Variants in ZC3H12B observed in about 807,000 individuals in gnomAD.
ZC3H12B encodes the protein probable ribonuclease ZC3H12B.
A neutral mutation model predicts 43.9 loss-of-function variants in ZC3H12B; 7 were observed. That is an observed-to-expected ratio of 0.16 (90% confidence interval 0.09 to 0.30). ZC3H12B has a LOEUF of 0.30. Among genes scored for constraint, ZC3H12B ranks in the 10% least tolerant of loss-of-function variants. The pLI is 1.00. For missense variants in ZC3H12B, 475 were observed against 670.2 expected, an observed-to-expected ratio of 0.71 and a Z score of 3.22; for synonymous variants, 222 against 241.7, an observed-to-expected ratio of 0.92 and a Z score of 0.76.
chrX:65,374,706 G>A (rs2066320572), intron 2 of ZC3H12B, among the ~76,000 whole-genome samples: 2 of 111,234 alleles, frequency 1.8e-5, no homozygotes, highest in Non-Finnish European at 3.8e-5. Flanking sequence ...AGAAAGGAAA[G>A]AAGTTTAATT....
intron 3 of ZC3H12B, among the ~76,000 whole-genome samples, chrX:65,472,213 A>T (rs901463482): frequency 9.0e-6 from 1 of 111,539 alleles, no homozygotes; most frequent in Non-Finnish European, 1.9e-5. Context: ...TAGGTCCTTT[A>T]TTCATTTTTA....
At chrX:65,245,254 G>A in the ZC3H12B span, among the ~76,000 whole-genome samples, 1 of 111,322 alleles carries the variant, frequency 9.0e-6, no homozygotes, top group Non-Finnish European at 1.9e-5. Context: ...GTAAAAAATA[G>A]CCTACCAACC....
chrX:65,325,166 T>A, the ZC3H12B span, among the ~76,000 whole-genome samples: 1 of 111,130 alleles, frequency 9.0e-6, no homozygotes, highest in Non-Finnish European at 1.9e-5. Flanking sequence ...TGACTTTCAC[T>A]CTACATGCAT....
intron 3 of ZC3H12B, among the ~76,000 whole-genome samples, chrX:65,428,848 AT>A (rs1267971266): frequency 8.9e-6 from 1 of 112,392 alleles, no homozygotes; most frequent in Admixed American, 9.4e-5. Context: ...AGTTTTTGGC[AT>A]TTTTGCATTA....
intron 2 of ZC3H12B, among the ~76,000 whole-genome samples, chrX:65,389,418 C>A (rs747372294): frequency 8.9e-6 from 1 of 112,417 alleles, no homozygotes; most frequent in African/African-American, 3.2e-5. Flanking sequence ...GCTCCATGGG[C>A]GTAGGACTCT....
At chrX:65,349,173 A>C in the ZC3H12B span, among the ~76,000 whole-genome samples, 1 of 112,099 alleles carries the variant, frequency 8.9e-6, no homozygotes, top group Non-Finnish European at 1.9e-5. Flanking sequence ...AGTCTCTCAG[A>C]CCACAGTGCA....
chrX:65,269,052 T>A, the ZC3H12B span, among the ~76,000 whole-genome samples: 80 of 111,129 alleles, frequency 7.2e-4, no homozygotes, highest in Non-Finnish European at 1.1e-3. Flanking sequence ...CATAGAAAAA[T>A]CAATATTATC....
the ZC3H12B span, among the ~76,000 whole-genome samples, chrX:65,253,633 C>A: frequency 9.5e-6 from 1 of 104,874 alleles, no homozygotes; most frequent in African/African-American, 4.2e-5. Flanking sequence ...CTGATAGCCC[C>A]CCTGTCTGCT....
At chrX:65,323,086 C>A in the ZC3H12B span, among the ~76,000 whole-genome samples, 7 of 111,615 alleles carry the variant, frequency 6.3e-5, no homozygotes, top group Non-Finnish European at 1.1e-4. Flanking sequence ...ATTATGTTGT[C>A]AACAAACAGC....
Position 65,382,870 on chromosome X carries a change from A to T in ZC3H12B, n.295+13872A>T, listed in dbSNP as rs868064198. ...CATTCACAATTGCTTCCAAGAGAAT[A>T]AAATACCTAGGAATCCAACTTACAA... On this transcript the variant is annotated intron_variant and non_coding_transcript_variant, in intron 2 of 5. Transcript: ENST00000617377. Among the ~76,000 whole-genome samples, 7 of 111,506 alleles carry T rather than the reference A, an allele frequency of 6.3e-5. No homozygotes were observed. The South Asian group carries it at 1.1e-3, about 18-fold the overall frequency.
chrX:65,453,387 T>C (rs1187137815), intron 3 of ZC3H12B, among the ~76,000 whole-genome samples: 1 of 86,047 alleles, frequency 1.2e-5, no homozygotes, highest in Non-Finnish European at 2.3e-5. Flanking sequence ...TATATATATA[T>C]ATATATATAT....
chrX:65,474,208 C>G (rs2067963175), intron 3 of ZC3H12B, among the ~76,000 whole-genome samples: 1 of 111,636 alleles, frequency 9.0e-6, no homozygotes, highest in Admixed American at 9.6e-5. Context: ...ACCCTTTTAT[C>G]ATTACATAGT....
the ZC3H12B span, among the ~76,000 whole-genome samples, chrX:65,290,332 A>G: frequency 9.0e-6 from 1 of 111,360 alleles, no homozygotes; most frequent in South Asian, 3.7e-4. Flanking sequence ...AAACAAAAAC[A>G]AAAAACACAT....
the ZC3H12B span, chrX:65,270,863 G>C: frequency 9.0e-6 from 1 of 111,451 alleles, no homozygotes; most frequent in Non-Finnish European, 1.9e-5. Context: ...ACCCAGCCAA[G>C]TTTGTCAGGC....
At chrX:65,162,980 G>T in the ZC3H12B span, among the ~76,000 whole-genome samples, 1 of 112,138 alleles carries the variant, frequency 8.9e-6, no homozygotes, top group Non-Finnish European at 1.9e-5. Context: ...AGCTTTCCTT[G>T]TAACAGACAA....
At chrX:65,330,228 T>C in the ZC3H12B span, among the ~76,000 whole-genome samples, 3 of 111,696 alleles carry the variant, frequency 2.7e-5, no homozygotes, top group East Asian at 8.4e-4. Context: ...TGTATAAGAA[T>C]GCTTGTGATT....
the ZC3H12B span, among the ~76,000 whole-genome samples, chrX:65,067,723 T>A: frequency 8.9e-6 from 1 of 111,870 alleles, no homozygotes; most frequent in Non-Finnish European, 1.9e-5. Flanking sequence ...TTTTTTTTTA[T>A]TTCAATTGCA....
At chrX:65,127,977 C>G in the ZC3H12B span, among the ~76,000 whole-genome samples, 1 of 111,931 alleles carries the variant, frequency 8.9e-6, no homozygotes, top group Admixed American at 9.5e-5. Flanking sequence ...AGCAAGCAGA[C>G]TCACAGTTTT....
At chrX:65,108,502 C>T in the ZC3H12B span, among the ~76,000 whole-genome samples, 1 of 109,905 alleles carries the variant, frequency 9.1e-6, no homozygotes, top group African/African-American at 3.3e-5. Flanking sequence ...CAATATCACT[C>T]TCTTCTACTT....
Sources: gnomAD v4.1 joint callset for allele counts (sites outside exome capture counted in the v4.1 genomes callset) on GRCh38, gnomAD v4.1.1 for gene constraint, MANE v1.5 for transcripts, NCBI Gene and HGNC (gene_info 2026-07-23, HGNC 2026-07-21) for gene names.